The following DNAJC1 variants were observed in gnomAD, a reference collection of about 807,000 sequenced individuals.
DNAJC1 encodes the protein DnaJ heat shock protein family (Hsp40) member C1, also known as dnaJ homolog subfamily C member 1.
DNAJC1 carries 58 observed loss-of-function variants against 76.6 expected under a neutral mutation model. The observed-to-expected ratio is 0.76, with a 90% CI of 0.61 to 0.94. The LOEUF is 0.94. Among genes scored for constraint, DNAJC1 ranks in the 40% least tolerant of loss-of-function variants. The pLI, the probability that DNAJC1 is intolerant of heterozygous loss-of-function variation, is 0.00. For synonymous variants in DNAJC1, 258 were observed against 267.9 expected (o/e 0.96, Z 0.36); for missense variants, 689 against 677.3 (o/e 1.02, Z -0.19).
intron 8 of DNAJC1, among the ~76,000 whole-genome samples, chr10:21,867,007 C>T (rs1836011853): frequency 6.6e-6 from 1 of 152,118 alleles, no homozygotes; most frequent in East Asian, 1.9e-4. Context: ...ACTGGCTTTT[C>T]AGCTAATGCT....
In DNAJC1 at chr10:21,864,755, T is replaced by C. The variant is rs1290024768; in HGVS notation, c.978+17527A>G. Among the ~76,000 whole-genome samples, 3 of 151,988 alleles carry C rather than the reference T, an allele frequency of 2.0e-5. 1 individual carries two copies. The East Asian group carries it at 5.8e-4, about 29-fold the overall frequency. On this transcript the variant is annotated intron_variant, in intron 8 of 11. Transcript: ENST00000376980. ...AAAAGAAAAAAATTGAACATACAGA[T>C]TAAAAACTTTACTCTTCAAATGATA...
intron 9 of DNAJC1, among the ~76,000 whole-genome samples, chr10:21,802,247 G>C (rs528857799): frequency 3.3e-5 from 5 of 152,100 alleles, no homozygotes; most frequent in African/African-American, 1.2e-4. Flanking sequence ...CAGTGAGGAC[G>C]AAGGCAGAAA....
At chr10:21,791,636 C>T (rs765113415) in intron 9 of DNAJC1, among the ~76,000 whole-genome samples, 14 of 151,984 alleles carry the variant, frequency 9.2e-5, no homozygotes, top group African/African-American at 1.7e-4. Context: ...TGCTCCTGAA[C>T]GACCAATTGG....
In DNAJC1 at chr10:22,002,480, A is replaced by G. The variant is rs191728912; in HGVS notation, c.222+733T>C. 6.7e-3 allele frequency among the ~76,000 whole-genome samples: 1,014 copies of G among 150,928 alleles called. 5 individuals are homozygous for G. Among genetic ancestry groups the G allele is most frequent in the Non-Finnish European group, 9.7e-3 (658 of 67,848 alleles). On this transcript the variant is annotated intron_variant, in intron 1 of 11. Transcript: ENST00000376980. ...CGAAATGAAACAAAAGGAAAAGGGG[A>G]AAAAAAAACCCATTCCTACATTACT...
intron 8 of DNAJC1, among the ~76,000 whole-genome samples, chr10:21,847,787 G>A (rs1835684076): frequency 6.6e-6 from 1 of 151,908 alleles, no homozygotes; most frequent in Non-Finnish European, 1.5e-5. Flanking sequence ...TTTCATGGTT[G>A]AATGATATTC....
chr10:21,812,010 T>C (rs1208834924), intron 8 of DNAJC1, among the ~76,000 whole-genome samples: 1 of 152,172 alleles, frequency 6.6e-6, no homozygotes, highest in Non-Finnish European at 1.5e-5. Flanking sequence ...CTGGTGGGAC[T>C]GAAATATATC....
rs1310706672 is a variant in DNAJC1 at position 21,929,112 on chromosome 10, T to C, written c.252A>G (p.Ala84=). The stretch of plus-strand genomic sequence containing the variant: ...GTAAAGTTAGTGAAAGCTTACGATA[T>C]GCTTTTCTGATGTCTGCAGATGATG... The part of the protein sequence containing the change: ...QDASSADIRK[A]YRKLSLTLHP... Residue 84 remains alanine, a synonymous_variant, in exon 2 of 12, where the codon GCA becomes GCG. Coordinates refer to ENST00000376980, the MANE Select transcript of DNAJC1 (RefSeq NM_022365.4). The C allele has an allele frequency of 3.7e-6, 6 of 1,612,554 alleles. No homozygotes were observed. Among genetic ancestry groups the C allele is most frequent in the Non-Finnish European group, 5.1e-6 (6 of 1,179,620 alleles).
At chr10:21,924,788 CA>C (rs1837096427) in intron 3 of DNAJC1, among the ~76,000 whole-genome samples, 1 of 152,144 alleles carries the variant, frequency 6.6e-6, no homozygotes. Context: ...TGTACTTACA[CA>C]AACCTATGTT....
intron 8 of DNAJC1, among the ~76,000 whole-genome samples, chr10:21,848,075 AG>A (rs1236859234): frequency 6.6e-6 from 1 of 152,194 alleles, no homozygotes; most frequent in Admixed American, 6.5e-5. Flanking sequence ...TCTCACCAAC[AG>A]TGAACTATTA....
intron 9 of DNAJC1, among the ~76,000 whole-genome samples, chr10:21,795,510 C>A (rs914191578): frequency 1.3e-5 from 2 of 151,914 alleles, no homozygotes; most frequent in African/African-American, 4.8e-5. Context: ...AATGTAATAT[C>A]CTGAAAAGAA....
intron 10 of DNAJC1, among the ~76,000 whole-genome samples, chr10:21,760,434 C>T (rs966072122): frequency 6.6e-6 from 1 of 152,234 alleles, no homozygotes; most frequent in African/African-American, 2.4e-5. Flanking sequence ...ACTACAGTAG[C>T]TGATGAGTAT....
At chr10:21,792,828 G>C (rs977192806) in intron 9 of DNAJC1, among the ~76,000 whole-genome samples, 1 of 150,536 alleles carries the variant, frequency 6.6e-6, no homozygotes, top group African/African-American at 2.4e-5. Context: ...ACATGATCAA[G>C]TGGGAATGTA....
chr10:21,835,691 G>C (rs1411636238), intron 8 of DNAJC1, among the ~76,000 whole-genome samples: 1 of 152,216 alleles, frequency 6.6e-6, no homozygotes, highest in Non-Finnish European at 1.5e-5. Flanking sequence ...AGAAGCCTCA[G>C]TAGCCGATGC....
intron 9 of DNAJC1, among the ~76,000 whole-genome samples, chr10:21,790,951 T>C (rs1834678153): frequency 6.6e-6 from 1 of 152,062 alleles, no homozygotes; most frequent in Non-Finnish European, 1.5e-5. Flanking sequence ...TTTAAAAATA[T>C]GAGTCAACTA....
At chr10:21,808,754 T>G (rs1003518254) in intron 8 of DNAJC1, among the ~76,000 whole-genome samples, 1 of 152,226 alleles carries the variant, frequency 6.6e-6, no homozygotes, top group Non-Finnish European at 1.5e-5. Flanking sequence ...GTCAAATGAA[T>G]GCATAAGCAT....
At chr10:21,766,121 C>G (rs181765029) in intron 10 of DNAJC1, 140 bp downstream of exon 10, 2 of 698,494 alleles carry the variant, frequency 2.9e-6, no homozygotes, top group Admixed American at 4.7e-5. Flanking sequence ...CGTATTTCAA[C>G]CCTTTTTGGA....
intron 10 of DNAJC1, among the ~76,000 whole-genome samples, chr10:21,761,592 A>C (rs956719621): frequency 1.3e-5 from 2 of 151,984 alleles, no homozygotes; most frequent in Non-Finnish European, 2.9e-5. Flanking sequence ...TTAAAAATAT[A>C]AAAACTACAA....
chr10:21,863,394 G>C (rs1329189793), intron 8 of DNAJC1, among the ~76,000 whole-genome samples: 2 of 152,054 alleles, frequency 1.3e-5, no homozygotes, highest in African/African-American at 2.4e-5. Context: ...CAACAAGTTA[G>C]ATGAAATGGT....
At position 21,919,732 on chromosome 10, in the gene DNAJC1, A is replaced by G. The variant is rs567414373; in HGVS notation, c.635+100T>C. ...TTTTATAAGACTACCACAGATATAAATGAGAGCACATGTAAATAGACATAC... is the reference window on the plus strand; with the variant it reads ...TTTTATAAGACTACCACAGATATAAGTGAGAGCACATGTAAATAGACATAC... On this transcript the variant is annotated intron_variant, in intron 5 of 11. Coordinates refer to ENST00000376980, the MANE Select transcript of DNAJC1 (RefSeq NM_022365.4). 408 of 758,370 alleles carry G rather than the reference A, an allele frequency of 5.4e-4. 6 individuals are homozygous for G. In the South Asian group the frequency reaches 8.0e-3, roughly 15 times the overall value. The allele number at this position is 758,370 out of a possible 1,614,324, so 47.0% of individuals were successfully genotyped here.
Sources: allele counts gnomAD v4.1 joint callset (sites outside exome capture counted in the v4.1 genomes callset), GRCh38; gene constraint gnomAD v4.1.1; transcripts MANE v1.5; gene names NCBI Gene and HGNC (gene_info 2026-07-23, HGNC 2026-07-21).